BNC1: variants seen among roughly 807,000 people sequenced by gnomAD.
BNC1 encodes zinc finger protein basonuclin-1.
BNC1 carries 8 observed loss-of-function variants against 66.5 expected under a neutral mutation model. The observed-to-expected ratio is 0.12, with a 90% CI of 0.07 to 0.22. The LOEUF (loss-of-function observed/expected upper bound fraction) is 0.22. Ranked by LOEUF, BNC1 falls within the 10% of genes least tolerant of loss-of-function variation. The pLI, the probability that BNC1 is intolerant of heterozygous loss-of-function variation, is 1.00. For synonymous variants in BNC1, 454 were observed against 452.6 expected (o/e 1.00, Z -0.04); for missense variants, 1,069 against 1,241.3 (o/e 0.86, Z 2.09).
At position 83,264,797 on chromosome 15, in the gene BNC1, A is replaced by G. The variant is rs985549923; in HGVS notation, c.454T>C (p.Leu152=). The change falls in exon 4 of 5, where the codon TTG becomes CTG. Residue 152 remains leucine, a synonymous_variant. Transcript: ENST00000345382. Reference sequence around the variant, plus strand: ...CTGGTCATGATGCTCCAGTGATCCAACACCTTTCCTGATGCATCCTAAACC... The same window carrying G: ...CTGGTCATGATGCTCCAGTGATCCAGCACCTTTCCTGATGCATCCTAAACC... The part of the protein sequence containing the change: ...YVLQDASGKV[L]DHWSIMTSEE... The G allele has an allele frequency of 1.2e-6, 2 of 1,613,664 alleles. No individual in the cohort carries two copies. Among genetic ancestry groups the G allele is most frequent in the Non-Finnish European group, 1.7e-6 (2 of 1,179,822 alleles).
intron 4 of BNC1, among the ~76,000 whole-genome samples, chr15:83,259,206 G>T (rs1308345270): frequency 6.6e-6 from 1 of 152,136 alleles, no homozygotes; most frequent in African/African-American, 2.4e-5. Context: ...AATCAATGTT[G>T]GTCTTCCTCA....
intron 3 of BNC1, among the ~76,000 whole-genome samples, 153 bp downstream of exon 3, chr15:83,266,683 A>G (rs1032673825): frequency 2.6e-4 from 40 of 152,214 alleles, no homozygotes; most frequent in Admixed American, 7.2e-4. Context: ...CCCCAAGAAC[A>G]TGAGGTAGGG....
chr15:83,283,270 C>T, intron 1 of BNC1: 1 of 1,533,192 alleles, frequency 6.5e-7, no homozygotes, highest in Non-Finnish European at 8.7e-7. Flanking sequence ...CTTCACTCGC[C>T]TCGCCACAAT....
At chr15:83,261,740 G>C (rs1231682730) in intron 4 of BNC1, among the ~76,000 whole-genome samples, 1 of 152,208 alleles carries the variant, frequency 6.6e-6, no homozygotes, top group African/African-American at 2.4e-5. Flanking sequence ...CTGCGTGTGT[G>C]TGTCATGAAA....
intron 1 of BNC1, among the ~76,000 whole-genome samples, chr15:83,274,857 A>G (rs2038304129): frequency 6.6e-6 from 1 of 152,218 alleles, no homozygotes; most frequent in Admixed American, 6.5e-5. Flanking sequence ...GGCTACTGGG[A>G]TGGTCTCAAA....
In BNC1 at chr15:83,281,248, T is replaced by C. The variant is rs541505942; in HGVS notation, c.99+3282A>G. 4.8e-4 allele frequency among the ~76,000 whole-genome samples: 73 copies of C among 152,326 alleles called. 1 individual carries two copies. The highest frequency in any genetic ancestry group is 1.6e-3 in the African/African-American group (68 of 41,580). On this transcript the variant is annotated intron_variant, in intron 1 of 4. Transcript: ENST00000345382. ...GATATGCAGAAATAAGGTTTTCAGG[T>C]GGAAACCAGTTTAAAAGGAAAAAGA...
Position 83,263,582 on chromosome 15 carries a change from T to C in BNC1, c.1669A>G (p.Lys557Glu). The C allele has an allele frequency of 2.5e-6, 4 of 1,614,240 alleles. No homozygotes were observed. The South Asian group carries it at 3.3e-5, about 13-fold the overall frequency. Residue 557 changes from lysine to glutamate, a missense_variant, in exon 4 of 5, where the codon AAA (lysine) becomes GAA (glutamate). Transcript: ENST00000345382. ...EKEAVEIANE[K>E]RHNLSSDEDM... is the part of the protein sequence containing the mutation. ...TCATCTGAGCTGAGGTTGTGTCTTT[T>C]CTCATTAGCTATTTCCACAGCTTCT...
chr15:83,279,596 G>A (rs1809770116), intron 1 of BNC1, among the ~76,000 whole-genome samples: 1 of 152,192 alleles, frequency 6.6e-6, no homozygotes, highest in Non-Finnish European at 1.5e-5. Context: ...ACAGGTCTCT[G>A]TTACGGGCAG....
At chr15:83,267,407 G>A (rs2038228349) in intron 2 of BNC1, among the ~76,000 whole-genome samples, 1 of 152,124 alleles carries the variant, frequency 6.6e-6, no homozygotes, top group Admixed American at 6.6e-5. Context: ...TAGAGTCTGG[G>A]GGTAAAGAAT....
intron 1 of BNC1, chr15:83,283,403 C>A: frequency 2.3e-6 from 3 of 1,290,292 alleles, no homozygotes; most frequent in Non-Finnish European, 2.9e-6. Context: ...TCCTCCTTCT[C>A]CGCCCGCGGC....
At chr15:83,271,535 C>T (rs2038269777) in intron 1 of BNC1, among the ~76,000 whole-genome samples, 1 of 152,220 alleles carries the variant, frequency 6.6e-6, no homozygotes, top group Admixed American at 6.5e-5. Context: ...GTGATTAACA[C>T]TCACTTTAAT....
chr15:83,274,503 C>T (rs1179686358), intron 1 of BNC1, among the ~76,000 whole-genome samples: 1 of 152,210 alleles, frequency 6.6e-6, no homozygotes, highest in Non-Finnish European at 1.5e-5. Context: ...AGATACACAA[C>T]ATTTCCATCA....
chr15:83,272,214 A>G (rs1417052826), intron 1 of BNC1, among the ~76,000 whole-genome samples: 1 of 152,142 alleles, frequency 6.6e-6, no homozygotes, highest in Admixed American at 6.6e-5. Flanking sequence ...ATCCCTCAAA[A>G]TGCCATTCCT....
intron 1 of BNC1, among the ~76,000 whole-genome samples, chr15:83,282,087 A>G (rs1350021222): frequency 2.0e-5 from 3 of 152,274 alleles, no homozygotes; most frequent in Non-Finnish European, 4.4e-5. Flanking sequence ...CTGAAGGAGG[A>G]GAATGTCCCT....
rs773252997 is a variant in BNC1, at chr15:83,263,199, G to A, written c.2052C>T (p.Phe684=). 1 of 1,614,208 alleles carries A rather than the reference G, an allele frequency of 6.2e-7. No individual in the cohort carries two copies. Among genetic ancestry groups the A allele is most frequent in the South Asian group, 1.1e-5 (1 of 91,080 alleles). The part of the protein sequence containing the change: ...LQQRLLAGGL[F]SALSNRGMAF... ...CCATTCCCCTGTTGGACAAAGCACT[G>A]AAGAGTCCCCCAGCCAGCAGGCGCT... Residue 684 remains phenylalanine, a synonymous_variant, in exon 4 of 5, where the codon TTC becomes TTT. Transcript: ENST00000345382.
chr15:83,283,328 G>C (rs2038402745), intron 1 of BNC1: 3 of 1,469,366 alleles, frequency 2.0e-6, no homozygotes, highest in Non-Finnish European at 1.8e-6. Flanking sequence ...GCAAAGCCAG[G>C]CGGCGGCGGG....
intron 1 of BNC1, 66 bp downstream of exon 1, chr15:83,284,464 C>T: frequency 1.9e-6 from 2 of 1,032,768 alleles, no homozygotes; most frequent in Non-Finnish European, 2.4e-6. Flanking sequence ...CGGAGCCCAG[C>T]GGCGTCCCGG....
intron 1 of BNC1, among the ~76,000 whole-genome samples, chr15:83,272,994 A>G (rs561214157): frequency 4.6e-5 from 7 of 152,238 alleles, no homozygotes. Flanking sequence ...GGGGGCCTAT[A>G]CCACTCCCAT....
rs1368447450 is a variant in BNC1, at chr15:83,258,095, C to G, written c.2332G>C (p.Ala778Pro). ...HSSNLNLHQK[A>P]LSQEALESSE... ...CTCTCCAATGCTTCCTGGCTCAATG[C>G]TTTTTGGTGGAGGTTTAGGTTTGAG... is the stretch of plus-strand genomic sequence containing the variant. The change falls in exon 5 of 5, where the codon GCA (alanine) becomes CCA (proline). Residue 778 changes from alanine to proline, a missense_variant. This residue lies in a region of BNC1 where 657 missense variants were observed against 715.8 expected (regional missense o/e 0.92). Coordinates refer to ENST00000345382, the MANE Select transcript of BNC1 (RefSeq NM_001717.4). 1 of 1,603,208 alleles carries G rather than the reference C, an allele frequency of 6.2e-7. No homozygotes were observed. Among genetic ancestry groups the G allele is most frequent in the Non-Finnish European group, 8.5e-7 (1 of 1,170,894 alleles).
Sources: gnomAD v4.1 joint callset for allele counts (sites outside exome capture counted in the v4.1 genomes callset) on GRCh38, gnomAD v4.1.1 for gene constraint, gnomAD v4.1.1 regional missense constraint, MANE v1.5 for transcripts, NCBI Gene and HGNC (gene_info 2026-07-23, HGNC 2026-07-21) for gene names.